Variants in PDGFRL observed in about 807,000 individuals in gnomAD.
PDGFRL encodes platelet derived growth factor receptor like.
In PDGFRL, 46 loss-of-function variants were observed where a neutral mutation model predicts 37.2. That is an observed-to-expected ratio of 1.24 (90% CI 0.98 to 1.58). The LOEUF is 1.58. Among genes scored for constraint, PDGFRL ranks in the 40% most tolerant of loss-of-function variants. The probability of loss-of-function intolerance (pLI) is 0.00; values close to 1 mark genes in which losing one functional copy is unlikely to be tolerated. For synonymous variants in PDGFRL, 251 were observed against 184.3 expected (o/e 1.36, Z -2.93); for missense variants, 692 against 467.6 (o/e 1.48, Z -4.43).
At chr8:17,634,615 A>G (rs983280824) in intron 5 of PDGFRL, among the ~76,000 whole-genome samples, 1 of 152,190 alleles carries the variant, frequency 6.6e-6, no homozygotes, top group East Asian at 1.9e-4. Flanking sequence ...TAGTACATAT[A>G]CACCAAAGAA....
At chr8:17,638,726 TGG>T (rs1805024708) in intron 5 of PDGFRL, among the ~76,000 whole-genome samples, 1 of 126,004 alleles carries the variant, frequency 7.9e-6, no homozygotes, top group South Asian at 2.9e-4. Flanking sequence ...TTGGGAGCTC[TGG>T]CATTAGGTGC....
intron 5 of PDGFRL, among the ~76,000 whole-genome samples, chr8:17,634,551 A>T (rs1410727300): frequency 6.6e-6 from 1 of 152,124 alleles, no homozygotes; most frequent in Non-Finnish European, 1.5e-5. Context: ...CACAATACCA[A>T]AGACATGGAA....
chr8:17,589,971 C>T (rs186033570), intron 2 of PDGFRL, among the ~76,000 whole-genome samples: 1 of 151,968 alleles, frequency 6.6e-6, no homozygotes, highest in East Asian at 1.9e-4. Context: ...GTGGCTCATG[C>T]CTGTAATCCC....
rs200938699 is a variant in PDGFRL, at chr8:17,621,191, T to G, written c.494T>G (p.Ile165Ser). ...GAGGCCAAAACGGGCTCCACCTACA[T>G]CTTTTTTACAGGTAAAATACTTGGT... is the stretch of plus-strand genomic sequence containing the variant. ...KDEAKTGSTY[I>S]FFTEKGELFV... Residue 165 changes from isoleucine to serine, a missense_variant, in exon 3 of 6, where the codon ATC (isoleucine) becomes AGC (serine). Coordinates refer to ENST00000251630, the MANE Select transcript of PDGFRL (RefSeq NM_001372073.1). 11 of 1,607,584 alleles carry G rather than the reference T, an allele frequency of 6.8e-6. No homozygotes were observed. In the East Asian group the frequency reaches 2.5e-4, roughly 36 times the overall value.
intron 2 of PDGFRL, among the ~76,000 whole-genome samples, chr8:17,604,557 G>C (rs1214452006): frequency 6.6e-6 from 1 of 152,032 alleles, no homozygotes; most frequent in Non-Finnish European, 1.5e-5. Flanking sequence ...GACACAGGAA[G>C]GGGAACTTCA....
intron 2 of PDGFRL, among the ~76,000 whole-genome samples, chr8:17,616,377 T>C (rs1804528443): frequency 6.6e-6 from 1 of 151,986 alleles, no homozygotes; most frequent in South Asian, 2.1e-4. Context: ...GTATTTTCAA[T>C]AGAGATGCGG....
rs552880963 is a variant in PDGFRL at position 17,589,680 on chromosome 8, C to A, written c.268C>A (p.Gln90Lys). ...PAATLSLLAG[Q>K]TVELRCKGSR... The stretch of plus-strand genomic sequence containing the variant: ...CGCTACCCTGAGTCTGCTGGCGGGG[C>A]AAACTGTAGAGCTTCGATGTAAAGG... The change falls in exon 2 of 6, where the codon CAA becomes AAA. Residue 90 changes from glutamine (Q) to lysine (K), a missense_variant. Coordinates refer to ENST00000251630, the MANE Select transcript of PDGFRL (RefSeq NM_001372073.1). 8.7e-6 allele frequency: 14 copies of A among 1,613,072 alleles called. No individual in the cohort carries two copies. The highest frequency in any genetic ancestry group is 1.2e-5 in the Non-Finnish European group (14 of 1,179,184).
At chr8:17,587,176 A>T (rs1397090778) in intron 1 of PDGFRL, among the ~76,000 whole-genome samples, 1 of 152,196 alleles carries the variant, frequency 6.6e-6, no homozygotes, top group Non-Finnish European at 1.5e-5. Context: ...TTCTGTGGTC[A>T]GGCAGCTGGA....
intron 2 of PDGFRL, chr8:17,596,172 G>A: frequency 2.5e-6 from 1 of 404,040 alleles, no homozygotes; most frequent in Non-Finnish European, 4.3e-6. Flanking sequence ...GTGGCCGGAG[G>A]CAGTTAGGAG....
chr8:17,602,897 C>T (rs796329278), intron 2 of PDGFRL, among the ~76,000 whole-genome samples: 43 of 152,362 alleles, frequency 2.8e-4, no homozygotes, highest in African/African-American at 8.7e-4. Flanking sequence ...ATGGTCCTTT[C>T]AGCCTTTCAG....
chr8:17,594,268 T>C (rs1585305050), intron 2 of PDGFRL, among the ~76,000 whole-genome samples: 1 of 152,234 alleles, frequency 6.6e-6, no homozygotes, highest in Admixed American at 6.5e-5. Context: ...TGAGACGGAG[T>C]CTTGCTCTGT....
At chr8:17,641,813 G>A (rs1338578201) in intron 5 of PDGFRL, among the ~76,000 whole-genome samples, 1 of 150,606 alleles carries the variant, frequency 6.6e-6, no homozygotes, top group Non-Finnish European at 1.5e-5. Context: ...GGGGAATAGT[G>A]TTTTCCGGCA....
At chr8:17,619,251 G>C (rs964939492) in intron 2 of PDGFRL, among the ~76,000 whole-genome samples, 7 of 152,286 alleles carry the variant, frequency 4.6e-5, no homozygotes, top group African/African-American at 1.7e-4. Context: ...ATGTGCTGAG[G>C]CTCTCAGCCT....
intron 2 of PDGFRL, among the ~76,000 whole-genome samples, chr8:17,613,927 C>T (rs900898510): frequency 6.6e-6 from 1 of 152,098 alleles, no homozygotes; most frequent in South Asian, 2.1e-4. Flanking sequence ...TAAGTGATTG[C>T]AGTAGAGAGA....
chr8:17,607,874 G>C (rs77791897), intron 2 of PDGFRL, among the ~76,000 whole-genome samples: 6,273 of 152,302 alleles, frequency 0.041, 330 homozygotes, highest in African/African-American at 0.12. Context: ...GTCCACTAGT[G>C]TATAATTGTG....
intron 3 of PDGFRL, among the ~76,000 whole-genome samples, chr8:17,625,988 C>G (rs1242927444): frequency 1.3e-5 from 2 of 152,180 alleles, no homozygotes; most frequent in Non-Finnish European, 2.9e-5. Context: ...GCGTGAGACC[C>G]TGTCTCAAAA....
intron 2 of PDGFRL, among the ~76,000 whole-genome samples, chr8:17,604,603 G>A (rs1026736299): frequency 6.6e-6 from 1 of 152,262 alleles, no homozygotes; most frequent in Non-Finnish European, 1.5e-5. Context: ...GGGGATGGGA[G>A]AGGGATAGCA....
chr8:17,592,887 A>G lies in PDGFRL; in HGVS notation c.353+3122A>G, dbSNP rs1003163273. On this transcript the variant is annotated intron_variant, in intron 2 of 5. Transcript: ENST00000251630. ...TGTTTGACTGACAAGCCTCCCTGATACATTTGTCCTTCTTAAACCCACATA... is the reference window on the plus strand; with the variant it reads ...TGTTTGACTGACAAGCCTCCCTGATGCATTTGTCCTTCTTAAACCCACATA... Among the ~76,000 whole-genome samples the G allele has an allele frequency of 1.4e-4, 22 of 151,754 alleles. 1 individual carries two copies. Among genetic ancestry groups the G allele is most frequent in the African/African-American group, 5.3e-4 (22 of 41,256 alleles).
chr8:17,619,928 C>G (rs1207447304), intron 2 of PDGFRL, among the ~76,000 whole-genome samples: 2 of 152,190 alleles, frequency 1.3e-5, no homozygotes, highest in African/African-American at 4.8e-5. Flanking sequence ...AGAGGCTTTT[C>G]TCTCTGCTTC....
Sources: gnomAD v4.1 joint callset for allele counts (sites outside exome capture counted in the v4.1 genomes callset) on GRCh38, gnomAD v4.1.1 for gene constraint, MANE v1.5 for transcripts, NCBI Gene and HGNC (gene_info 2026-07-23, HGNC 2026-07-21) for gene names.